The following CHSY3 variants were observed in gnomAD, a reference collection of about 807,000 sequenced individuals.
CHSY3 encodes the protein N-acetylgalactosaminyl-proteoglycan 3-beta-glucuronosyltransferase 3.
Under a neutral mutation model 67.2 loss-of-function variants are expected in CHSY3, and 35 were observed. The observed-to-expected ratio is 0.52, with a 90% CI of 0.40 to 0.69. The LOEUF is 0.69. Among genes scored for constraint, CHSY3 ranks in the 30% least tolerant of loss-of-function variants. CHSY3 has a pLI of 0.00. For synonymous variants in CHSY3, 474 were observed against 434.7 expected (o/e 1.09, Z -1.12); for missense variants, 1,069 against 1,138.5 (o/e 0.94, Z 0.88).
chr5:130,160,537 T>C lies in CHSY3; in HGVS notation c.1087-23692T>C, dbSNP rs373003995. Among the ~76,000 whole-genome samples, 53 of 152,368 alleles carry C rather than the reference T, an allele frequency of 3.5e-4. No homozygotes were observed. The East Asian group carries it at 7.1e-3, about 21-fold the overall frequency. On this transcript the variant is annotated intron_variant, in intron 2 of 2. Coordinates refer to ENST00000305031, the MANE Select transcript of CHSY3 (RefSeq NM_175856.5). Reference sequence around the variant, plus strand: ...TCCACTAAACAGTTTACTGAGCACCTACTCTGTGCTTTCCTGGTGTCCTCG... The same window carrying C: ...TCCACTAAACAGTTTACTGAGCACCCACTCTGTGCTTTCCTGGTGTCCTCG...
Position 130,185,888 on chromosome 5 carries a change from T to C in CHSY3, c.*97T>C. 1.6e-6 allele frequency: 1 copy of C among 639,200 alleles called. No individual in the cohort carries two copies. Among genetic ancestry groups the C allele is most frequent in the Non-Finnish European group, 2.3e-6 (1 of 441,588 alleles). The allele number at this position is 639,200 out of a possible 1,614,324, so 39.6% of individuals were successfully genotyped here. On this transcript the variant is annotated 3_prime_UTR_variant, in exon 3 of 3. Transcript: ENST00000305031. ...TATTATTGTTATTTTATTATTATTA[T>C]TGTTATAATTTTATTTTGTTGTCCT...
intron 2 of CHSY3, among the ~76,000 whole-genome samples, chr5:130,132,163 G>C (rs78896146): frequency 0.045 from 6,886 of 152,192 alleles, 430 homozygotes; most frequent in East Asian, 0.27. Flanking sequence ...TAGAGGCATA[G>C]ACATATTTAC....
chr5:130,059,390 T>A (rs534642136), intron 2 of CHSY3, among the ~76,000 whole-genome samples: 1 of 144,218 alleles, frequency 6.9e-6, no homozygotes, highest in Admixed American at 6.8e-5. Context: ...TCTCTCTACC[T>A]CTCTCTCTCT....
chr5:130,130,301 AC>A (rs1006580379), intron 2 of CHSY3, among the ~76,000 whole-genome samples: 1 of 152,064 alleles, frequency 6.6e-6, no homozygotes, highest in African/African-American at 2.4e-5. Flanking sequence ...TGACTTCCAA[AC>A]TTTTCTGAAC....
chr5:129,989,697 A>G (rs6891735), intron 2 of CHSY3, among the ~76,000 whole-genome samples: 2,420 of 152,272 alleles, frequency 0.016, 53 homozygotes, highest in African/African-American at 0.054. Context: ...GCCATCTGCT[A>G]ACTTTCTGAT....
intron 2 of CHSY3, among the ~76,000 whole-genome samples, chr5:130,043,756 T>TGTA (rs1554078783): frequency 6.6e-6 from 1 of 151,666 alleles, no homozygotes; most frequent in Admixed American, 6.6e-5. Context: ...ACCTGACGTG[T>TGTA]GCATATGTTT....
chr5:130,032,352 G>A (rs980837360), intron 2 of CHSY3, among the ~76,000 whole-genome samples: 1 of 152,112 alleles, frequency 6.6e-6, no homozygotes, highest in Non-Finnish European at 1.5e-5. Flanking sequence ...TTCTACTAAT[G>A]TAAAAATATT....
chr5:130,185,399 A>C lies in CHSY3; in HGVS notation c.2257A>C (p.Lys753Gln), dbSNP rs773028238. ...CATCATCTTTAGCCAGTATGACCCA[A>C]AGGTAACAAACGGGGGAAATCCTCC... ...YPIIFSQYDP[K>Q]VTNGGNPPTD... Residue 753 changes from lysine (K) to glutamine (Q), a missense_variant, in exon 3 of 3, where the codon AAG (lysine) becomes CAG (glutamine). This residue lies in a region of CHSY3 where 139 missense variants were observed against 152.8 expected (regional missense o/e 0.91). Coordinates refer to ENST00000305031, the MANE Select transcript of CHSY3 (RefSeq NM_175856.5). 17 of 1,613,034 alleles carry C rather than the reference A, an allele frequency of 1.1e-5. No individual in the cohort carries two copies. Among genetic ancestry groups the C allele is most frequent in the Non-Finnish European group, 1.4e-5 (16 of 1,178,994 alleles).
rs189850868 is a variant in CHSY3 at position 130,075,803 on chromosome 5, G to T, written c.1087-108426G>T. On this transcript the variant is annotated intron_variant, in intron 2 of 2. Coordinates refer to ENST00000305031, the MANE Select transcript of CHSY3 (RefSeq NM_175856.5). Reference sequence around the variant, plus strand: ...CCACCTGAGTTTCATATAGGCCAATGTAATTCATTCATATTTCTGGTGATA... The same window carrying T: ...CCACCTGAGTTTCATATAGGCCAATTTAATTCATTCATATTTCTGGTGATA... Among the ~76,000 whole-genome samples the T allele has an allele frequency of 1.1e-4, 17 of 152,222 alleles. 1 individual carries two copies. The highest frequency in any genetic ancestry group is 1.1e-3 in the Admixed American group (17 of 15,262).
rs183072606 is a variant in CHSY3, at chr5:130,106,930, C to T, written c.1087-77299C>T. Among the ~76,000 whole-genome samples the T allele has an allele frequency of 3.9e-3, 596 of 151,554 alleles. 8 individuals are homozygous for T. Among genetic ancestry groups the T allele is most frequent in the African/African-American group, 0.014 (565 of 41,468 alleles). On this transcript the variant is annotated intron_variant, in intron 2 of 2. Coordinates refer to ENST00000305031, the MANE Select transcript of CHSY3 (RefSeq NM_175856.5). ...TTTTATGTGACATGTGCTGCACAGT[C>T]TCAGTTACCTTTTTGACAATTTGTT...
At chr5:129,916,759 A>C (rs879701737) in intron 2 of CHSY3, among the ~76,000 whole-genome samples, 3 of 152,214 alleles carry the variant, frequency 2.0e-5, no homozygotes, top group African/African-American at 7.2e-5. Context: ...GCAGTAAACA[A>C]CACACATGCC....
At chr5:130,130,994 A>G (rs1447701858) in intron 2 of CHSY3, among the ~76,000 whole-genome samples, 1 of 152,064 alleles carries the variant, frequency 6.6e-6, no homozygotes, top group Non-Finnish European at 1.5e-5. Context: ...CTTGCTTTTC[A>G]TCTCTATTCC....
rs184417211 is a variant in CHSY3 at position 130,141,931 on chromosome 5, C to G, written c.1087-42298C>G. The G allele has an allele frequency of 5.0e-3, 1,105 of 221,998 alleles. 20 individuals carry two copies. The highest frequency in any genetic ancestry group is 0.025 in the African/African-American group (1,061 of 42,312). The allele number at this position is 221,998 out of a possible 1,614,324, so 13.8% of individuals were successfully genotyped here. A position where few individuals can be genotyped will look rare whatever the true frequency, so the allele number is the denominator to read the frequency against. On this transcript the variant is annotated intron_variant, in intron 2 of 2. Coordinates refer to ENST00000305031, the MANE Select transcript of CHSY3 (RefSeq NM_175856.5). The stretch of plus-strand genomic sequence containing the variant: ...CTCTGCTGGAGCTTCCCCAGGGCCC[C>G]CATTGAAGAGGCTGACTAAGTCAGC...
At chr5:130,134,105 G>A (rs922319859) in intron 2 of CHSY3, among the ~76,000 whole-genome samples, 1 of 152,120 alleles carries the variant, frequency 6.6e-6, no homozygotes, top group Non-Finnish European at 1.5e-5. Context: ...GGACAATGAG[G>A]CTTACAGAAG....
rs140135042 is a variant in CHSY3, at chr5:130,020,243, C to T, written c.1086+111883C>T. ...GACCAGCCTGGACAACATGGTGAAA[C>T]CCTGTCTCTACTAAAAATACAAAAA... is the stretch of plus-strand genomic sequence containing the variant. On this transcript the variant is annotated intron_variant, in intron 2 of 2. Coordinates refer to ENST00000305031, the MANE Select transcript of CHSY3 (RefSeq NM_175856.5). 2.0e-3 allele frequency among the ~76,000 whole-genome samples: 307 copies of T among 151,536 alleles called. 1 individual carries two copies. The highest frequency in any genetic ancestry group is 6.3e-3 in the African/African-American group (259 of 41,250).
chr5:129,989,485 G>T (rs551899889), intron 2 of CHSY3, among the ~76,000 whole-genome samples: 1 of 152,082 alleles, frequency 6.6e-6, no homozygotes, highest in East Asian at 1.9e-4. Flanking sequence ...CCATGGTTTT[G>T]TTTTTAATCC....
At chr5:129,988,625 T>C (rs945689192) in intron 2 of CHSY3, among the ~76,000 whole-genome samples, 31 of 152,184 alleles carry the variant, frequency 2.0e-4, no homozygotes, top group African/African-American at 6.3e-4. Flanking sequence ...TAAATATTTC[T>C]GAATGAATGA....
At chr5:130,080,815 A>G (rs1436262761) in intron 2 of CHSY3, among the ~76,000 whole-genome samples, 1 of 152,040 alleles carries the variant, frequency 6.6e-6, no homozygotes, top group East Asian at 1.9e-4. Context: ...CCAAGAGAAA[A>G]CTTCCCTTTC....
intron 2 of CHSY3, among the ~76,000 whole-genome samples, chr5:130,101,556 T>C (rs1232802599): frequency 1.3e-5 from 2 of 152,148 alleles, no homozygotes; most frequent in African/African-American, 4.8e-5. Flanking sequence ...AATCTCGTTA[T>C]CATACCCATT....
Sources: gnomAD v4.1 joint callset for allele counts (sites outside exome capture counted in the v4.1 genomes callset) on GRCh38, gnomAD v4.1.1 for gene constraint, gnomAD v4.1.1 regional missense constraint, MANE v1.5 for transcripts, NCBI Gene and HGNC (gene_info 2026-07-23, HGNC 2026-07-21) for gene names.